The following GALNTL6 variants were observed in gnomAD, a reference collection of about 807,000 sequenced individuals.
The protein encoded by GALNTL6 is polypeptide N-acetylgalactosaminyltransferase-like 6.
A neutral mutation model predicts 73.7 loss-of-function variants in GALNTL6; 46 were observed. The observed-to-expected ratio is 0.62, with a 90% CI of 0.49 to 0.80. The LOEUF is 0.80. GALNTL6 is among the 30% of genes least tolerant of loss of function. GALNTL6 has a pLI of 0.00. For missense variants in GALNTL6, 604 were observed against 755.0 expected (o/e 0.80, Z 2.34); for synonymous variants, 259 against 263.7 (o/e 0.98, Z 0.17).
chr4:172,339,913 A>T (rs1741500909), intron 4 of GALNTL6, among the ~76,000 whole-genome samples: 1 of 152,052 alleles, frequency 6.6e-6, no homozygotes, highest in South Asian at 2.1e-4. Context: ...ATTAAAGTTC[A>T]CAGCATTGAT....
intron 11 of GALNTL6, among the ~76,000 whole-genome samples, chr4:173,012,962 A>AC (rs927373024): frequency 1.7e-4 from 26 of 152,078 alleles, no homozygotes; most frequent in African/African-American, 6.0e-4. Context: ...ACATTTTGAA[A>AC]CCCCGTCTCT....
At chr4:172,805,328 GA>G (rs1386915671) in intron 5 of GALNTL6, among the ~76,000 whole-genome samples, 12 of 151,776 alleles carry the variant, frequency 7.9e-5, no homozygotes, top group Non-Finnish European at 1.5e-5. Flanking sequence ...TAAAATCTCT[GA>G]AAAAAAGGAG....
At chr4:172,015,923 A>ATTTTTTTTTTTTTTTTTTTTTTTTTT (rs70941375) in intron 2 of GALNTL6, among the ~76,000 whole-genome samples, 3 of 44,052 alleles carry the variant, frequency 6.8e-5, no homozygotes, top group Non-Finnish European at 8.4e-5. Flanking sequence ...ATCTAATAGG[A>ATTTTTTTTTTTTTTTTTTTTTTTTTT]TTTTTTTTTT....
At chr4:172,081,621 A>G (rs1433950986) in intron 2 of GALNTL6, among the ~76,000 whole-genome samples, 1 of 152,188 alleles carries the variant, frequency 6.6e-6, no homozygotes, top group East Asian at 1.9e-4. Context: ...CTGGTGACAG[A>G]GCAAGACTCC....
At chr4:172,454,060 T>C (rs1310986045) in intron 5 of GALNTL6, among the ~76,000 whole-genome samples, 2 of 152,200 alleles carry the variant, frequency 1.3e-5, no homozygotes, top group African/African-American at 4.8e-5. Context: ...AGCCTGCCCA[T>C]TGCACATTTA....
chr4:172,970,955 G>A (rs2653836), intron 10 of GALNTL6, among the ~76,000 whole-genome samples: 28,789 of 152,066 alleles, frequency 0.19, 3,251 homozygotes, highest in African/African-American at 0.31. Context: ...CAGTAAAGAC[G>A]GGGTAAGAAA....
intron 12 of GALNTL6, among the ~76,000 whole-genome samples, chr4:173,030,680 A>G (rs1753418464): frequency 6.6e-6 from 1 of 152,120 alleles, no homozygotes; most frequent in South Asian, 2.1e-4. Flanking sequence ...CATAACTCAA[A>G]GACTCTGTGC....
At chr4:172,474,054 C>T (rs1733145387) in intron 5 of GALNTL6, among the ~76,000 whole-genome samples, 1 of 152,168 alleles carries the variant, frequency 6.6e-6, no homozygotes, top group African/African-American at 2.4e-5. Context: ...TTCCCCCATC[C>T]TTCATTTACT....
At chr4:172,727,521 C>T (rs1392363788) in intron 5 of GALNTL6, among the ~76,000 whole-genome samples, 2 of 152,062 alleles carry the variant, frequency 1.3e-5, no homozygotes, top group Admixed American at 1.3e-4. Flanking sequence ...AAGATAATTC[C>T]CAATACTATC....
chr4:172,161,082 C>A (rs897726979), intron 2 of GALNTL6, among the ~76,000 whole-genome samples: 4 of 151,734 alleles, frequency 2.6e-5, no homozygotes, highest in Non-Finnish European at 5.9e-5. Flanking sequence ...GATTTAGAGA[C>A]AATATGGAAA....
rs1399988306 is a variant in GALNTL6, at chr4:172,312,597, G to GA, written c.386+846dup. ...AACTTCCCTATGGAAACCCTGGTGT[G>GA]AGAGAGAGAAAATCAAGGAAAAAAA... On this transcript the variant is annotated intron_variant, in intron 4 of 12. Coordinates refer to ENST00000506823, the MANE Select transcript of GALNTL6 (RefSeq NM_001034845.3). Among the ~76,000 whole-genome samples the GA allele has an allele frequency of 2.6e-5, 4 of 152,164 alleles. No individual in the cohort carries two copies. In the East Asian group the frequency reaches 7.7e-4, roughly 29 times the overall value.
intron 3 of GALNTL6, among the ~76,000 whole-genome samples, chr4:172,230,139 G>A (rs992366827): frequency 6.6e-6 from 1 of 152,098 alleles, no homozygotes; most frequent in Middle Eastern, 3.2e-3. Context: ...GCAATGCAAA[G>A]TATTTAATTT....
At chr4:172,394,887 A>G (rs1743795348) in intron 5 of GALNTL6, among the ~76,000 whole-genome samples, 1 of 152,204 alleles carries the variant, frequency 6.6e-6, no homozygotes, top group Admixed American at 6.5e-5. Flanking sequence ...GGCTGCTTTT[A>G]TACTACCTGC....
At position 172,068,268 on chromosome 4, in the gene GALNTL6, C is replaced by T. The variant is rs1271132813; in HGVS notation, c.139-161388C>T. ...CTAGCTCAAGCTACCTCTACTACTTCGTCTTCTCTAATAGCTTCTTAATAT... is the reference window on the plus strand; with the variant it reads ...CTAGCTCAAGCTACCTCTACTACTTTGTCTTCTCTAATAGCTTCTTAATAT... On this transcript the variant is annotated intron_variant, in intron 2 of 12. Coordinates refer to ENST00000506823, the MANE Select transcript of GALNTL6 (RefSeq NM_001034845.3). Among the ~76,000 whole-genome samples the T allele has an allele frequency of 7.3e-5, 8 of 109,216 alleles. 2 individuals carry two copies. The highest frequency in any genetic ancestry group is 1.2e-4 in the Non-Finnish European group (6 of 49,254). 71.6% of individuals were successfully genotyped at this position (109,216 alleles called of 152,430 possible). A position where few individuals can be genotyped will look rare whatever the true frequency, so the allele number is the denominator to read the frequency against.
chr4:172,303,740 C>G (rs1740022890), intron 3 of GALNTL6, among the ~76,000 whole-genome samples: 1 of 152,076 alleles, frequency 6.6e-6, no homozygotes, highest in Admixed American at 6.6e-5. Context: ...ATTTTATTAC[C>G]TTAATCCTTA....
At chr4:172,099,182 G>T (rs1732442357) in intron 2 of GALNTL6, among the ~76,000 whole-genome samples, 1 of 152,116 alleles carries the variant, frequency 6.6e-6, no homozygotes, top group African/African-American at 2.4e-5. Context: ...TTCCCATTAG[G>T]TTGGTGAACT....
chr4:171,861,374 G>C (rs1035776181), intron 2 of GALNTL6, among the ~76,000 whole-genome samples: 1 of 152,162 alleles, frequency 6.6e-6, no homozygotes, highest in Non-Finnish European at 1.5e-5. Context: ...GTCACTACCA[G>C]TATGATAATC....
rs1408415084 is a variant in GALNTL6, at chr4:173,021,548, G to A, written c.1561G>A (p.Ala521Thr). 14 of 1,614,122 alleles carry A rather than the reference G, an allele frequency of 8.7e-6. No homozygotes were observed. In the East Asian group the frequency reaches 2.7e-4, roughly 31 times the overall value. The change falls in exon 12 of 13, where the codon GCG becomes ACG. Residue 521 changes from alanine (A) to threonine (T), a missense_variant. Physicochemically the swap from Ala to Thr is moderately conservative, Grantham distance 58 (BLOSUM62 0). This residue lies in a region of GALNTL6 where 261 missense variants were observed against 296.5 expected (regional missense o/e 0.88). Coordinates refer to ENST00000506823, the MANE Select transcript of GALNTL6 (RefSeq NM_001034845.3). ...PLHTRKFCFD[A>T]ISHNSPVTLY... ...GCATACCCGGAAATTCTGCTTTGAT[G>A]CGATCTCACACAACAGCCCCGTTAC...
intron 2 of GALNTL6, among the ~76,000 whole-genome samples, chr4:171,880,408 A>C (rs775499397): frequency 2.6e-4 from 39 of 152,232 alleles, no homozygotes; most frequent in African/African-American, 9.2e-4. Context: ...TATGAATCAG[A>C]TGTTTGTTAT....
Sources: gnomAD v4.1 joint callset for allele counts (sites outside exome capture counted in the v4.1 genomes callset) on GRCh38, gnomAD v4.1.1 for gene constraint, gnomAD v4.1.1 regional missense constraint, MANE v1.5 for transcripts, NCBI Gene and HGNC (gene_info 2026-07-23, HGNC 2026-07-21) for gene names.